Variants in DENND2B observed in about 807,000 individuals in gnomAD.
DENND2B encodes the protein DENN domain containing 2B.
Under a neutral mutation model 116.0 loss-of-function variants are expected in DENND2B, and 32 were observed. The observed-to-expected ratio is 0.28, with a 90% confidence interval of 0.21 to 0.37. The LOEUF (loss-of-function observed/expected upper bound fraction) is 0.37. Ranked by LOEUF, DENND2B falls within the 10% of genes least tolerant of loss-of-function variation. DENND2B has a pLI of 1.00. For synonymous variants in DENND2B, 588 were observed against 583.9 expected (o/e 1.01, Z -0.10); for missense variants, 1,276 against 1,477.7 (o/e 0.86, Z 2.24).
At chr11:8,866,324 T>C (rs1288486087) in intron 2 of DENND2B, among the ~76,000 whole-genome samples, 1 of 152,204 alleles carries the variant, frequency 6.6e-6, no homozygotes, top group African/African-American at 2.4e-5. Flanking sequence ...TAATAAATTA[T>C]TAAAATGACA....
intron 4 of DENND2B, among the ~76,000 whole-genome samples, chr11:8,817,972 G>C (rs564908196): frequency 6.6e-6 from 1 of 151,626 alleles, no homozygotes; most frequent in African/African-American, 2.4e-5. Context: ...TTCTAAAATA[G>C]GCTTTCTGGC....
chr11:8,890,486 A>G (rs1214793389), intron 1 of DENND2B, among the ~76,000 whole-genome samples: 1 of 152,130 alleles, frequency 6.6e-6, no homozygotes, highest in Non-Finnish European at 1.5e-5. Context: ...GAAGCTAAAA[A>G]CCTTGAAAAA....
chr11:8,706,729 C>A (rs2042666645), intron 13 of DENND2B, among the ~76,000 whole-genome samples: 1 of 152,174 alleles, frequency 6.6e-6, no homozygotes, highest in African/African-American at 2.4e-5. Context: ...AGACTACAAA[C>A]TTCATGAGGA....
intron 3 of DENND2B, among the ~76,000 whole-genome samples, chr11:8,856,808 C>T (rs2063211833): frequency 6.6e-6 from 1 of 150,622 alleles, no homozygotes; most frequent in Non-Finnish European, 1.5e-5. Flanking sequence ...GGCTAGAGTG[C>T]AGTGGTGCAA....
chr11:8,726,274 G>A, intron 3 of DENND2B, 65 bp from the exon 4 acceptor site: 1 of 1,544,242 alleles, frequency 6.5e-7, no homozygotes, highest in South Asian at 1.3e-5. Flanking sequence ...GCTGGGGAAT[G>A]TCCATGGCAA....
intron 4 of DENND2B, among the ~76,000 whole-genome samples, chr11:8,724,431 T>C (rs2046741814): frequency 6.6e-6 from 1 of 152,114 alleles, no homozygotes; most frequent in Non-Finnish European, 1.5e-5. Flanking sequence ...GACAGGGACA[T>C]AGAGAGGGAG....
intron 1 of DENND2B, among the ~76,000 whole-genome samples, chr11:8,786,884 C>A (rs537016513): frequency 1.3e-5 from 2 of 152,136 alleles, no homozygotes; most frequent in African/African-American, 4.8e-5. Context: ...TCCTTTTCTT[C>A]GGTGCTGATG....
chr11:8,717,587 A>G (rs1193505350), intron 5 of DENND2B, among the ~76,000 whole-genome samples, 154 bp downstream of exon 5: 2 of 152,140 alleles, frequency 1.3e-5, no homozygotes, highest in Non-Finnish European at 2.9e-5. Context: ...ATCAGACGAG[A>G]TCGGGCACGT....
intron 3 of DENND2B, among the ~76,000 whole-genome samples, chr11:8,844,730 T>C (rs1202452911): frequency 2.0e-5 from 3 of 152,092 alleles, no homozygotes; most frequent in African/African-American, 4.8e-5. Flanking sequence ...AATTTTTTAT[T>C]CTATTTATTT....
intron 1 of DENND2B, among the ~76,000 whole-genome samples, chr11:8,892,740 T>C (rs1029747256): frequency 2.0e-5 from 3 of 152,134 alleles, no homozygotes; most frequent in African/African-American, 7.2e-5. Flanking sequence ...GGCTCTGAAA[T>C]TGAGGCAATA....
intron 1 of DENND2B, among the ~76,000 whole-genome samples, chr11:8,905,399 G>A (rs1385074765): frequency 6.6e-6 from 1 of 152,012 alleles, no homozygotes; most frequent in Non-Finnish European, 1.5e-5. Context: ...AATGCAAAAT[G>A]GCATAGAGTT....
At chr11:8,867,990 T>C (rs2063644617) in intron 2 of DENND2B, among the ~76,000 whole-genome samples, 1 of 149,946 alleles carries the variant, frequency 6.7e-6, no homozygotes, top group African/African-American at 2.5e-5. Context: ...ACAACATTGA[T>C]CTACCTCTCA....
chr11:8,851,801 G>A (rs1054758381), intron 3 of DENND2B, among the ~76,000 whole-genome samples: 4 of 152,024 alleles, frequency 2.6e-5, no homozygotes, highest in East Asian at 1.9e-4. Flanking sequence ...TTTTTAATTC[G>A]TTTTAAAGTA....
At chr11:8,739,192 C>T (rs374661233) in intron 2 of DENND2B, among the ~76,000 whole-genome samples, 40 of 152,334 alleles carry the variant, frequency 2.6e-4, no homozygotes, top group African/African-American at 9.4e-4. Context: ...ACTTCCTCGC[C>T]TTTCTCTTTG....
chr11:8,865,882 T>C (rs2063557085), intron 2 of DENND2B, among the ~76,000 whole-genome samples: 1 of 151,034 alleles, frequency 6.6e-6, no homozygotes, highest in South Asian at 2.1e-4. Flanking sequence ...CCTGGGGAAT[T>C]GTCCAAATGC....
intron 1 of DENND2B, among the ~76,000 whole-genome samples, chr11:8,893,545 C>T (rs2064060066): frequency 1.3e-5 from 2 of 152,196 alleles, no homozygotes; most frequent in African/African-American, 4.8e-5. Flanking sequence ...GCAACTTCAG[C>T]AAAGTCTCAG....
intron 1 of DENND2B, among the ~76,000 whole-genome samples, chr11:8,783,017 C>T (rs896155433): frequency 8.8e-5 from 13 of 148,028 alleles, no homozygotes; most frequent in Non-Finnish European, 1.5e-4. Flanking sequence ...CACAGCTATA[C>T]AGATATGTAG....
intron 1 of DENND2B, among the ~76,000 whole-genome samples, chr11:8,754,664 A>G (rs879732782): frequency 6.6e-6 from 1 of 152,282 alleles, no homozygotes; most frequent in Non-Finnish European, 1.5e-5. Context: ...AAAAAGTGGA[A>G]CTAACCCAAA....
chr11:8,737,991 C>T (rs1460897980), intron 2 of DENND2B, among the ~76,000 whole-genome samples: 4 of 152,028 alleles, frequency 2.6e-5, no homozygotes, highest in African/African-American at 9.7e-5. Flanking sequence ...TCCAGTGATC[C>T]TCCTGCCTTG....
Sources: gnomAD v4.1 joint callset for allele counts (sites outside exome capture counted in the v4.1 genomes callset) on GRCh38, gnomAD v4.1.1 for gene constraint, MANE v1.5 for transcripts, NCBI Gene and HGNC (gene_info 2026-07-23, HGNC 2026-07-21) for gene names.